Variants in NKAIN2 observed in about 807,000 individuals in gnomAD.
The protein encoded by NKAIN2 is sodium/potassium-transporting ATPase subunit beta-1-interacting protein 2.
In NKAIN2, 14 loss-of-function variants were observed where a neutral mutation model predicts 32.6. The observed-to-expected ratio is 0.43, with a 90% CI of 0.28 to 0.67. The LOEUF is 0.67. Among genes scored for constraint, NKAIN2 ranks in the 30% least tolerant of loss-of-function variants. NKAIN2 has a pLI of 0.17. For synonymous variants in NKAIN2, 80 were observed against 87.2 expected, an observed-to-expected ratio of 0.92 and a Z score of 0.46; for missense variants, 198 against 258.3, an observed-to-expected ratio of 0.77 and a Z score of 1.60.
At chr6:124,365,328 G>C (rs1029831234) in intron 3 of NKAIN2, among the ~76,000 whole-genome samples, 1 of 151,770 alleles carries the variant, frequency 6.6e-6, no homozygotes, top group Admixed American at 6.6e-5. Flanking sequence ...TATAAGTTAA[G>C]AACAAGTAAA....
intron 1 of NKAIN2, among the ~76,000 whole-genome samples, chr6:123,970,002 A>G (rs1006482933): frequency 2.0e-5 from 3 of 152,238 alleles, no homozygotes; most frequent in African/African-American, 7.2e-5. Context: ...TGCATAAACT[A>G]GATGTATGTA....
intron 1 of NKAIN2, among the ~76,000 whole-genome samples, chr6:123,961,123 C>T (rs1474246793): frequency 6.6e-6 from 1 of 151,980 alleles, no homozygotes; most frequent in African/African-American, 2.4e-5. Flanking sequence ...CTGTTGCTCT[C>T]AGTGACTAGA....
chr6:124,424,184 G>A (rs569709391), intron 3 of NKAIN2, among the ~76,000 whole-genome samples: 52 of 152,012 alleles, frequency 3.4e-4, no homozygotes, highest in African/African-American at 1.1e-3. Flanking sequence ...TAGTAGAGAC[G>A]GGGTTTCACA....
intron 3 of NKAIN2, among the ~76,000 whole-genome samples, chr6:124,376,468 TA>T (rs1318323507): frequency 1.3e-5 from 2 of 152,108 alleles, no homozygotes; most frequent in Admixed American, 1.3e-4. Flanking sequence ...ATGAGTACAT[TA>T]AAAAATTGCA....
chr6:124,060,252 G>A (rs529853271), intron 1 of NKAIN2, among the ~76,000 whole-genome samples: 2 of 152,278 alleles, frequency 1.3e-5, no homozygotes, highest in South Asian at 4.1e-4. Context: ...GCCAGTCACA[G>A]GTGTATTTTA....
intron 3 of NKAIN2, among the ~76,000 whole-genome samples, chr6:124,523,400 G>A (rs1304480276): frequency 6.6e-6 from 1 of 151,834 alleles, no homozygotes; most frequent in Non-Finnish European, 1.5e-5. Context: ...CTTGGGAGGA[G>A]CCATGTTGAG....
intron 4 of NKAIN2, among the ~76,000 whole-genome samples, chr6:124,732,237 A>G (rs1156840747): frequency 1.3e-5 from 2 of 151,988 alleles, no homozygotes; most frequent in African/African-American, 2.4e-5. Context: ...CTTCAATTCT[A>G]GTTTATTTCT....
At chr6:124,644,147 T>C (rs1021274958) in intron 3 of NKAIN2, among the ~76,000 whole-genome samples, 27 of 152,176 alleles carry the variant, frequency 1.8e-4, no homozygotes, top group Admixed American at 1.5e-3. Flanking sequence ...CATCAGACCT[T>C]GTTATTTTGA....
intron 1 of NKAIN2, among the ~76,000 whole-genome samples, chr6:123,811,135 TAG>T (rs573976750): frequency 5.8e-4 from 89 of 152,304 alleles, no homozygotes; most frequent in Middle Eastern, 3.4e-3. Context: ...TCAATCCAAC[TAG>T]ATAATTAACT....
chr6:124,795,361 C>G (rs940080098), intron 5 of NKAIN2, among the ~76,000 whole-genome samples: 1 of 152,148 alleles, frequency 6.6e-6, no homozygotes, highest in Non-Finnish European at 1.5e-5. Context: ...AGGCAGAAAC[C>G]TCCAGGAAGC....
chr6:124,662,587 T>C (rs1583603009), intron 4 of NKAIN2, among the ~76,000 whole-genome samples: 1 of 152,216 alleles, frequency 6.6e-6, no homozygotes, highest in East Asian at 1.9e-4. Flanking sequence ...TTGGGGTCAG[T>C]AAAGTCACAG....
intron 1 of NKAIN2, among the ~76,000 whole-genome samples, chr6:123,896,868 G>A (rs997170584): frequency 2.6e-5 from 4 of 151,820 alleles, no homozygotes; most frequent in South Asian, 2.1e-4. Flanking sequence ...TTCATATACC[G>A]TGAAACACTG....
chr6:124,111,006 G>A (rs889013529), intron 1 of NKAIN2, among the ~76,000 whole-genome samples: 2 of 151,984 alleles, frequency 1.3e-5, no homozygotes, highest in Non-Finnish European at 2.9e-5. Flanking sequence ...AGAGGTGTTT[G>A]ATTACTGATT....
intron 1 of NKAIN2, among the ~76,000 whole-genome samples, chr6:123,947,812 A>T (rs1007242748): frequency 1.3e-5 from 2 of 152,070 alleles, no homozygotes; most frequent in Admixed American, 1.3e-4. Context: ...ATTGTTGTTA[A>T]CTATAGTCAC....
At chr6:124,580,248 G>A (rs1053911177) in intron 3 of NKAIN2, among the ~76,000 whole-genome samples, 2 of 152,120 alleles carry the variant, frequency 1.3e-5, no homozygotes, top group Non-Finnish European at 2.9e-5. Flanking sequence ...TGAGTAGAAA[G>A]ACTATAAAGT....
intron 3 of NKAIN2, among the ~76,000 whole-genome samples, chr6:124,629,730 ATT>A (rs1783490513): frequency 6.6e-6 from 1 of 152,152 alleles, no homozygotes; most frequent in Non-Finnish European, 1.5e-5. Flanking sequence ...CCAGAAGCCC[ATT>A]TTAGTCAAAA....
chr6:124,403,504 C>T (rs561909139), intron 3 of NKAIN2, among the ~76,000 whole-genome samples: 2 of 152,088 alleles, frequency 1.3e-5, no homozygotes, highest in Admixed American at 1.3e-4. Context: ...TCAGCATAGT[C>T]AATCACATTT....
intron 3 of NKAIN2, among the ~76,000 whole-genome samples, chr6:124,537,429 T>A (rs549651759): frequency 6.6e-6 from 1 of 152,226 alleles, no homozygotes; most frequent in African/African-American, 2.4e-5. Context: ...ACAAGTTGTT[T>A]TCCTTTTTCC....
At chr6:123,848,296 A>G (rs1387460540) in intron 1 of NKAIN2, among the ~76,000 whole-genome samples, 1 of 152,186 alleles carries the variant, frequency 6.6e-6, no homozygotes, top group East Asian at 1.9e-4. Flanking sequence ...GTATGATTCT[A>G]AAGTGTGAAT....
Sources: allele counts gnomAD v4.1 joint callset (sites outside exome capture counted in the v4.1 genomes callset), GRCh38; gene constraint gnomAD v4.1.1; transcripts MANE v1.5; gene names NCBI Gene and HGNC (gene_info 2026-07-23, HGNC 2026-07-21).